COLEC12: variants seen among roughly 807,000 people sequenced by gnomAD.
The protein encoded by COLEC12 is collectin-12.
COLEC12 carries 33 observed loss-of-function variants against 71.1 expected under a neutral mutation model. The ratio of observed to expected loss-of-function variants is 0.46; its 90% CI spans 0.35 to 0.62. The LOEUF (loss-of-function observed/expected upper bound fraction) is 0.62, where lower values mean the gene tolerates loss of function less well. COLEC12 is among the 20% of genes least tolerant of loss of function. The probability of loss-of-function intolerance (pLI) is 0.00; values close to 1 mark genes in which losing one functional copy is unlikely to be tolerated. For synonymous variants in COLEC12, 350 were observed against 353.0 expected (o/e 0.99, Z 0.10); for missense variants, 765 against 916.1 (o/e 0.84, Z 2.13).
In COLEC12 at chr18:346,701, G is replaced by A. The variant is rs778854178; in HGVS notation, c.921C>T (p.Asn307=). The A allele has an allele frequency of 6.3e-5, 101 of 1,614,162 alleles. No individual in the cohort carries two copies. Among genetic ancestry groups the A allele is most frequent in the Middle Eastern group, 3.3e-4 (2 of 6,062 alleles). ...CCTGCAGGTCTTTCAGGTTCTGCTCGTTGGCTTGAGAGATAGTGGTGATGT... is the reference window on the plus strand; with the variant it reads ...CCTGCAGGTCTTTCAGGTTCTGCTCATTGGCTTGAGAGATAGTGGTGATGT... ...MENITTISQA[N]EQNLKDLQDL... Residue 307 remains asparagine (N), a synonymous_variant, in exon 5 of 10, where the codon AAC becomes AAT. Coordinates refer to ENST00000400256, the MANE Select transcript of COLEC12 (RefSeq NM_130386.3). The surrounding 1 kb of genome is among the most constrained non-coding windows in gnomAD (Gnocchi z 4.0).
chr18:397,373 G>C (rs968238822), intron 2 of COLEC12, among the ~76,000 whole-genome samples: 6 of 152,086 alleles, frequency 3.9e-5, no homozygotes, highest in Admixed American at 6.5e-5. Context: ...ATCTACACAG[G>C]CCATTATCAT....
At chr18:389,103 CAGCTAAAGTAATT>C (rs1345969386) in intron 2 of COLEC12, among the ~76,000 whole-genome samples, 4 of 151,968 alleles carry the variant, frequency 2.6e-5, no homozygotes, top group African/African-American at 9.7e-5. Flanking sequence ...TGATAGCATT[CAGCTAAAGTAATT>C]TTGCAAAGGA....
In COLEC12 at chr18:493,718, A is replaced by T. The variant is rs934086876; in HGVS notation, c.7+6790T>A. ...TTTGTTTAAAGAATAAATGAAGGCT[A>T]GTTAGAACTTGGTGGCCCAATTATA... On this transcript the variant is annotated intron_variant, in intron 1 of 9. Coordinates refer to ENST00000400256, the MANE Select transcript of COLEC12 (RefSeq NM_130386.3). Among the ~76,000 whole-genome samples the T allele has an allele frequency of 4.6e-5, 7 of 152,278 alleles. No homozygotes were observed. The South Asian group carries it at 1.2e-3, about 27-fold the overall frequency.
At position 346,299 on chromosome 18, in the gene COLEC12, T is replaced by C. The variant is rs1434165686; in HGVS notation, c.1323A>G (p.Leu441=). ...AAATTCAGAATTTTGACTTACCTTG[T>C]AGTATTGTAAAATTCTTGATGAGCT... ...HGQLIKNFTI[L]QGPPGPRGPR... is the part of the protein sequence containing the mutation. The change falls in exon 5 of 10, where the codon CTA becomes CTG. Residue 441 remains leucine (L), a synonymous_variant. Coordinates refer to ENST00000400256, the MANE Select transcript of COLEC12 (RefSeq NM_130386.3). This position sits in a 1 kb window ranked among gnomAD's most constrained non-coding sequence, Gnocchi z 4.0. 1.2e-6 allele frequency: 2 copies of C among 1,602,296 alleles called. No individual in the cohort carries two copies. Among genetic ancestry groups the C allele is most frequent in the Non-Finnish European group, 8.5e-7 (1 of 1,172,682 alleles).
chr18:345,472 G>A (rs1004850563), intron 5 of COLEC12, among the ~76,000 whole-genome samples: 5 of 152,114 alleles, frequency 3.3e-5, no homozygotes, highest in African/African-American at 9.7e-5. Context: ...CTCAGCCTCC[G>A]AAAGTGTTAA....
rs1598326136 is a variant in COLEC12 at position 327,651 on chromosome 18, C to T, written c.2063+4017G>A. Among the ~76,000 whole-genome samples, 1 of 152,172 alleles carries T rather than the reference C, an allele frequency of 6.6e-6. No homozygotes were observed. The highest frequency in any genetic ancestry group is 1.5e-5 in the Non-Finnish European group (1 of 68,032). ...CTCAGCATGAAAAATGAGGTGAGGC[C>T]GAGACGCAGAGGAGAGAGCCTTTTA... is the stretch of plus-strand genomic sequence containing the variant. On this transcript the variant is annotated intron_variant, in intron 8 of 9. Transcript: ENST00000400256. The surrounding 1 kb of genome is among the most constrained non-coding windows in gnomAD (Gnocchi z 4.0).
At chr18:389,005 G>A (rs1436255346) in intron 2 of COLEC12, among the ~76,000 whole-genome samples, 1 of 152,064 alleles carries the variant, frequency 6.6e-6, no homozygotes, top group Non-Finnish European at 1.5e-5. Context: ...GTGTGGGAAG[G>A]AAAGCAGCCC....
At chr18:405,190 C>T (rs530795076) in intron 2 of COLEC12, among the ~76,000 whole-genome samples, 24 of 152,282 alleles carry the variant, frequency 1.6e-4, no homozygotes, top group South Asian at 6.2e-4. Context: ...CAAGACAATA[C>T]GTGCACCGCT....
chr18:492,595 C>T (rs1484323498), intron 1 of COLEC12, among the ~76,000 whole-genome samples: 1 of 152,076 alleles, frequency 6.6e-6, no homozygotes, highest in Non-Finnish European at 1.5e-5. Context: ...CAGAATGAGG[C>T]CTTGAATCTC....
At chr18:352,499 C>T (rs1212611122) in intron 3 of COLEC12, among the ~76,000 whole-genome samples, 1 of 151,990 alleles carries the variant, frequency 6.6e-6, no homozygotes, top group Non-Finnish European at 1.5e-5. Context: ...GGGATAAATA[C>T]ATTCATTAAA....
At chr18:496,487 C>A (rs1275062907) in intron 1 of COLEC12, among the ~76,000 whole-genome samples, 1 of 152,174 alleles carries the variant, frequency 6.6e-6, no homozygotes, top group Admixed American at 6.5e-5. Context: ...CATTTTGTTT[C>A]CATTTTCCTT....
chr18:332,483 G>A (rs18485), intron 7 of COLEC12, among the ~76,000 whole-genome samples: 46,734 of 152,046 alleles, frequency 0.31, 7,497 homozygotes, highest in South Asian at 0.35. Flanking sequence ...TCAAATGAGG[G>A]TAATAATAAT....
chr18:471,313 G>C (rs140431497), intron 2 of COLEC12, among the ~76,000 whole-genome samples: 1 of 151,732 alleles, frequency 6.6e-6, no homozygotes, highest in African/African-American at 2.4e-5. Flanking sequence ...TATTCACTAA[G>C]ATTTGGAACT....
intron 2 of COLEC12, among the ~76,000 whole-genome samples, chr18:400,988 C>A (rs1245437990): frequency 6.6e-6 from 1 of 152,142 alleles, no homozygotes; most frequent in Non-Finnish European, 1.5e-5. Context: ...TTTCCTCCTT[C>A]ATTTTGTGAA....
chr18:474,698 C>T (rs958361274), intron 2 of COLEC12, among the ~76,000 whole-genome samples: 8 of 152,234 alleles, frequency 5.3e-5, no homozygotes, highest in Admixed American at 5.2e-4. Context: ...AAGAGCTACT[C>T]TGTGACTCCC....
At chr18:472,846 G>A (rs1245314267) in intron 2 of COLEC12, among the ~76,000 whole-genome samples, 3 of 151,796 alleles carry the variant, frequency 2.0e-5, no homozygotes, top group Admixed American at 6.6e-5. Flanking sequence ...AAGGTGAGAA[G>A]GATCAGAGAG....
chr18:448,311 C>G (rs1233726178), intron 2 of COLEC12, among the ~76,000 whole-genome samples: 2 of 152,132 alleles, frequency 1.3e-5, no homozygotes, highest in Admixed American at 1.3e-4. Context: ...AAAGTCTGAT[C>G]CTGTAATCTT....
At chr18:409,448 C>A (rs1436492109) in intron 2 of COLEC12, among the ~76,000 whole-genome samples, 1 of 152,094 alleles carries the variant, frequency 6.6e-6, no homozygotes, top group Non-Finnish European at 1.5e-5. Context: ...GCAGGAGAAT[C>A]CACGAGGTGG....
intron 5 of COLEC12, among the ~76,000 whole-genome samples, chr18:345,867 C>G (rs1914359249): frequency 1.3e-5 from 2 of 152,194 alleles, no homozygotes; most frequent in Non-Finnish European, 2.9e-5. Flanking sequence ...TTCTAAGAAA[C>G]AGAATGAAGT....
Sources: allele counts gnomAD v4.1 joint callset (sites outside exome capture counted in the v4.1 genomes callset), GRCh38; gene constraint gnomAD v4.1.1; non-coding constraint Gnocchi (gnomAD v3.1); transcripts MANE v1.5; gene names NCBI Gene and HGNC (gene_info 2026-07-23, HGNC 2026-07-21).